The following CASQ2 variants were observed in gnomAD, a reference collection of about 807,000 sequenced individuals.
CASQ2 encodes the protein calsequestrin 2, also known as calsequestrin-2.
CASQ2 carries 49 observed loss-of-function variants against 46.5 expected under a neutral mutation model. The observed-to-expected ratio is 1.05, with a 90% CI of 0.84 to 1.34. CASQ2 has a LOEUF of 1.34. Among genes scored for constraint, CASQ2 ranks in the 40% most tolerant of loss-of-function variants. The probability of loss-of-function intolerance (pLI) is 0.00; values close to 1 mark genes in which losing one functional copy is unlikely to be tolerated. For synonymous variants in CASQ2, 174 were observed against 168.5 expected (o/e 1.03, Z -0.25); for missense variants, 486 against 481.3 (o/e 1.01, Z -0.09).
chr1:115,758,561 G>A (rs763376758), intron 1 of CASQ2, among the ~76,000 whole-genome samples: 2 of 152,336 alleles, frequency 1.3e-5, no homozygotes, highest in Non-Finnish European at 2.9e-5. Context: ...AATGTTGGAG[G>A]TGGGGCCTAA....
chr1:115,718,864 T>C (rs1570808633), intron 7 of CASQ2, among the ~76,000 whole-genome samples: 1 of 152,182 alleles, frequency 6.6e-6, no homozygotes, highest in African/African-American at 2.4e-5. Flanking sequence ...GGGGCTCTGC[T>C]ATCACAAATG....
intron 1 of CASQ2, among the ~76,000 whole-genome samples, chr1:115,748,358 C>A (rs1227833915): frequency 1.3e-5 from 2 of 152,128 alleles, no homozygotes; most frequent in Non-Finnish European, 2.9e-5. Flanking sequence ...TTCATCTGTT[C>A]CCAGCCTCTT....
rs36062822 is a variant in CASQ2 at position 115,739,063 on chromosome 1, T to TA, written c.421-729dup. On this transcript the variant is annotated intron_variant, in intron 3 of 10. Transcript: ENST00000261448. ...GTTGCAAATGATAGTTTTCTTTTTTTAAAAAAAAAAAAAGCTGAATAGTAT... is the reference window on the plus strand; with the variant it reads ...GTTGCAAATGATAGTTTTCTTTTTTTAAAAAAAAAAAAAAGCTGAATAGTAT... Among the ~76,000 whole-genome samples, 92 of 140,364 alleles carry TA rather than the reference T, an allele frequency of 6.6e-4. 1 individual carries two copies. Among genetic ancestry groups the TA allele is most frequent in the African/African-American group, 1.9e-3 (76 of 39,238 alleles). The allele number at this position is 140,364 out of a possible 152,430, so 92.1% of individuals were successfully genotyped here.
intron 8 of CASQ2, among the ~76,000 whole-genome samples, chr1:115,712,725 C>G (rs1245024793): frequency 6.6e-6 from 1 of 151,664 alleles, no homozygotes; most frequent in Non-Finnish European, 1.5e-5. Flanking sequence ...GTGTGGTGGC[C>G]CATGCCTCTA....
intron 7 of CASQ2, among the ~76,000 whole-genome samples, chr1:115,719,833 T>C (rs1231777164): frequency 1.3e-5 from 2 of 152,128 alleles, no homozygotes; most frequent in Admixed American, 1.3e-4. Context: ...CCCAGATCTC[T>C]CATTTGGTCT....
intron 8 of CASQ2, among the ~76,000 whole-genome samples, chr1:115,706,626 C>T (rs564486824): frequency 7.2e-5 from 11 of 152,322 alleles, no homozygotes; most frequent in African/African-American, 2.6e-4. Flanking sequence ...AATAAAGTTA[C>T]ATTTCTTGCA....
intron 9 of CASQ2, among the ~76,000 whole-genome samples, chr1:115,704,845 C>T (rs3827738): frequency 0.59 from 89,024 of 152,032 alleles, 26,722 homozygotes; most frequent in African/African-American, 0.71. Context: ...GGCCTCAGAA[C>T]GATGGTCCCC....
At chr1:115,721,272 C>G (rs10923266) in intron 7 of CASQ2, among the ~76,000 whole-genome samples, 37,255 of 152,020 alleles carry the variant, frequency 0.25, 4,739 homozygotes, top group East Asian at 0.38. Flanking sequence ...GTGAGGTCTC[C>G]AGGGGGAATG....
intron 4 of CASQ2, among the ~76,000 whole-genome samples, chr1:115,737,916 G>C (rs1482470897): frequency 1.3e-5 from 2 of 152,204 alleles, no homozygotes; most frequent in African/African-American, 4.8e-5. Flanking sequence ...TCCCATTGTA[G>C]GGGAGAATCC....
At position 115,738,244 on chromosome 1, in the gene CASQ2, A is replaced by T; in HGVS notation, c.512T>A (p.Phe171Tyr). 6.2e-7 allele frequency: 1 copy of T among 1,610,320 alleles called. No homozygotes were observed. Among genetic ancestry groups the T allele is most frequent in the Non-Finnish European group, 8.5e-7 (1 of 1,176,488 alleles). ...CTTACATTCTGAGTCCTCACTCTTG[A>T]AAAAGCCAATGAGTTTGATGTAGTC... ...IEDYIKLIGF[F>Y]KSEDSEYYKA... The change falls in exon 4 of 11, where the codon TTC (phenylalanine) becomes TAC (tyrosine). Residue 171 changes from phenylalanine to tyrosine, a missense_variant. Phe to Tyr is a conservative substitution (Grantham distance 22). Coordinates refer to ENST00000261448, the MANE Select transcript of CASQ2 (RefSeq NM_001232.4).
intron 8 of CASQ2, among the ~76,000 whole-genome samples, chr1:115,713,728 G>A (rs909627083): frequency 3.9e-5 from 6 of 152,176 alleles, no homozygotes; most frequent in Admixed American, 2.0e-4. Context: ...CGCCTGCTCT[G>A]CCTGCTCGTG....
chr1:115,739,840 T>A (rs1432634686), intron 3 of CASQ2, among the ~76,000 whole-genome samples: 1 of 152,238 alleles, frequency 6.6e-6, no homozygotes, highest in Non-Finnish European at 1.5e-5. Context: ...CAGTTAGTCT[T>A]ATTTCCAAAA....
chr1:115,761,443 A>G (rs866249352), intron 1 of CASQ2, among the ~76,000 whole-genome samples: 1 of 12,146 alleles, frequency 8.2e-5, no homozygotes, highest in Non-Finnish European at 1.5e-4. Context: ...AAGAAGAAAG[A>G]AGAAGAAGAA....
rs1246401838 is a variant in CASQ2 at position 115,702,510 on chromosome 1, C to CTGTA, written c.1014+407_1014+410dup. Among the ~76,000 whole-genome samples, 3 of 152,326 alleles carry CTGTA rather than the reference C, an allele frequency of 2.0e-5. No homozygotes were observed. In the East Asian group the frequency reaches 5.8e-4, roughly 29 times the overall value. Reference sequence around the variant, plus strand: ...CCCTTCTGCAGGCCTGGTCTCCTGCCTGTAGAGTAGTTGCCTGCCTGGGAT... The same window carrying CTGTA: ...CCCTTCTGCAGGCCTGGTCTCCTGCCTGTATGTAGAGTAGTTGCCTGCCTGGGAT... On this transcript the variant is annotated intron_variant, in intron 10 of 10. Transcript: ENST00000261448.
intron 5 of CASQ2, among the ~76,000 whole-genome samples, chr1:115,732,509 C>A (rs921380926): frequency 6.6e-6 from 1 of 152,112 alleles, no homozygotes; most frequent in African/African-American, 2.4e-5. Context: ...AGAGGAGTTC[C>A]CATTCTACTT....
At chr1:115,747,641 T>G (rs1395726852) in intron 1 of CASQ2, among the ~76,000 whole-genome samples, 1 of 152,242 alleles carries the variant, frequency 6.6e-6, no homozygotes, top group Non-Finnish European at 1.5e-5. Context: ...TCTTCTTTGG[T>G]TTCTTTCATC....
chr1:115,747,733 T>C (rs1368643737), intron 1 of CASQ2, among the ~76,000 whole-genome samples: 1 of 152,242 alleles, frequency 6.6e-6, no homozygotes, highest in Admixed American at 6.5e-5. Flanking sequence ...TTTCAGCTAC[T>C]GTAAATTGTA....
At chr1:115,767,849 C>T (rs901605382) in intron 1 of CASQ2, among the ~76,000 whole-genome samples, 6 of 152,164 alleles carry the variant, frequency 3.9e-5, no homozygotes, top group Admixed American at 6.5e-5. Flanking sequence ...TGATATTCTC[C>T]GTCTGACCCC....
intron 1 of CASQ2, among the ~76,000 whole-genome samples, chr1:115,752,514 G>A (rs1356615275): frequency 1.4e-5 from 2 of 147,922 alleles, no homozygotes; most frequent in African/African-American, 2.7e-5. Context: ...GAACTTGGAG[G>A]AGGAGTGTGT....
Sources: allele counts gnomAD v4.1 joint callset (sites outside exome capture counted in the v4.1 genomes callset), GRCh38; gene constraint gnomAD v4.1.1; transcripts MANE v1.5; gene names NCBI Gene and HGNC (gene_info 2026-07-23, HGNC 2026-07-21).